Variants in DTX1 observed in about 807,000 individuals in gnomAD.
DTX1 encodes deltex E3 ubiquitin ligase 1.
Under a neutral mutation model 57.8 loss-of-function variants are expected in DTX1, and 26 were observed. The ratio of observed to expected loss-of-function variants is 0.45; its 90% CI spans 0.33 to 0.62. The LOEUF (loss-of-function observed/expected upper bound fraction) is 0.62, where lower values mean the gene tolerates loss of function less well. DTX1 is among the 20% of genes least tolerant of loss of function. The pLI, the probability that DTX1 is intolerant of heterozygous loss-of-function variation, is 0.02. For synonymous variants in DTX1, 398 were observed against 394.1 expected (o/e 1.01, Z -0.12); for missense variants, 704 against 895.3 (o/e 0.79, Z 2.73).
intron 2 of DTX1, among the ~76,000 whole-genome samples, chr12:113,062,204 C>T (rs2044670074): frequency 6.6e-6 from 1 of 152,146 alleles, no homozygotes; most frequent in South Asian, 2.1e-4. Context: ...GGGGAGACTG[C>T]CCTAGCTTTG....
chr12:113,096,339 C>T (rs1162578305), intron 9 of DTX1, among the ~76,000 whole-genome samples: 1 of 147,622 alleles, frequency 6.8e-6, no homozygotes, highest in Admixed American at 6.9e-5. Flanking sequence ...CTTGGAGAGG[C>T]TGATGTGGGA....
At chr12:113,082,779 G>T (rs1473175621) in intron 3 of DTX1, among the ~76,000 whole-genome samples, 1 of 152,028 alleles carries the variant, frequency 6.6e-6, no homozygotes, top group Non-Finnish European at 1.5e-5. Flanking sequence ...AAAATTTTTT[G>T]TAGGGACAGG....
intron 2 of DTX1, among the ~76,000 whole-genome samples, chr12:113,074,386 T>C (rs752889840): frequency 6.6e-6 from 1 of 152,046 alleles, no homozygotes; most frequent in African/African-American, 2.4e-5. Context: ...AATGGTGAGG[T>C]CATATTCCAG....
chr12:113,077,956 C>CGCA lies in DTX1; in HGVS notation c.793_794insCAG (p.Ala264dup), dbSNP rs1466220603. 8.9e-6 allele frequency: 9 copies of CGCA among 1,015,712 alleles called. No homozygotes were observed. Among genetic ancestry groups the CGCA allele is most frequent in the Non-Finnish European group, 1.1e-5 (9 of 851,726 alleles). The allele number at this position is 1,015,712 out of a possible 1,614,324, so 62.9% of individuals were successfully genotyped here. A position where few individuals can be genotyped will look rare whatever the true frequency, so the allele number is the denominator to read the frequency against. ...CCGCGCTCTGGGCAGCGCCCGCCGC[C>CGCA]GGCCCCGCCGAGCCCGCGCCGCCTC... On this transcript the variant is annotated inframe_insertion, in exon 3 of 10. Coordinates refer to ENST00000548759, the MANE Select transcript of DTX1 (RefSeq NM_004416.3). The surrounding 1 kb of genome is among the most constrained non-coding windows in gnomAD (Gnocchi z 7.8).
Position 113,058,321 on chromosome 12 carries a change from C to A in DTX1, c.129C>A (p.Thr43=), listed in dbSNP as rs769437286. Residue 43 remains threonine (T), a synonymous_variant, in exon 2 of 10, where the codon ACC becomes ACA. Transcript: ENST00000548759. The stretch of plus-strand genomic sequence containing the variant: ...GCCGCTGGCGGCCCTACACGGCCAC[C>A]GTGTGCCACCACATTGAGAACGTGC... ...EHSRWRPYTA[T]VCHHIENVLK... is the part of the protein sequence containing the mutation. The A allele has an allele frequency of 6.2e-7, 1 of 1,613,626 alleles. No homozygotes were observed. Among genetic ancestry groups the A allele is most frequent in the Non-Finnish European group, 8.5e-7 (1 of 1,180,026 alleles).
chr12:113,079,105 G>T (rs569048026), intron 3 of DTX1, among the ~76,000 whole-genome samples: 1 of 152,270 alleles, frequency 6.6e-6, no homozygotes, highest in South Asian at 2.1e-4. Context: ...GTGAGCTGCT[G>T]TTGGGTGCCT....
intron 2 of DTX1, among the ~76,000 whole-genome samples, chr12:113,072,900 T>G (rs1293540602): frequency 6.6e-6 from 1 of 151,310 alleles, no homozygotes; most frequent in East Asian, 1.9e-4. Context: ...AGATCGGGGG[T>G]TTCACCATGT....
intron 9 of DTX1, 68 bp downstream of exon 9, chr12:113,095,482 G>A (rs994149292): frequency 2.5e-6 from 4 of 1,595,210 alleles, no homozygotes; most frequent in Non-Finnish European, 3.4e-6. Flanking sequence ...ACTGGCCTGG[G>A]CCTGTGGTCC....
intron 2 of DTX1, among the ~76,000 whole-genome samples, chr12:113,066,478 A>C (rs2136425478): frequency 6.6e-6 from 1 of 151,644 alleles, no homozygotes; most frequent in African/African-American, 2.4e-5. Context: ...CAGTGAGCTG[A>C]GATTGAGCCA....
At chr12:113,076,471 A>G (rs1281080523) in intron 2 of DTX1, among the ~76,000 whole-genome samples, 3 of 151,676 alleles carry the variant, frequency 2.0e-5, no homozygotes, top group Non-Finnish European at 4.4e-5. Flanking sequence ...AAAAAAAAAA[A>G]AAAAAAGTGG....
chr12:113,082,937 A>G (rs1406036944), intron 3 of DTX1, among the ~76,000 whole-genome samples: 2 of 152,194 alleles, frequency 1.3e-5, no homozygotes, highest in Admixed American at 6.5e-5. Flanking sequence ...TTGCTGGGGC[A>G]GTGGTAACAA....
chr12:113,063,231 G>C (rs551911844), intron 2 of DTX1, among the ~76,000 whole-genome samples: 1 of 152,368 alleles, frequency 6.6e-6, no homozygotes, highest in South Asian at 2.1e-4. Flanking sequence ...AGCCATCAGG[G>C]TCTTGGGGTG....
In DTX1 at chr12:113,071,709, T is replaced by A. The variant is rs1395258512; in HGVS notation, c.260-5715T>A. Among the ~76,000 whole-genome samples, 23 of 152,204 alleles carry A rather than the reference T, an allele frequency of 1.5e-4. 1 individual carries two copies. Among genetic ancestry groups the A allele is most frequent in the Admixed American group, 1.5e-3 (23 of 15,290 alleles). ...ATCTTGAGATCGAAGTCCAGGCAGG[T>A]CACCAAGGAACCAGCTGCCCACCCC... On this transcript the variant is annotated intron_variant, in intron 2 of 9. Transcript: ENST00000548759.
At chr12:113,083,734 G>C (rs2044834796) in intron 3 of DTX1, among the ~76,000 whole-genome samples, 1 of 152,054 alleles carries the variant, frequency 6.6e-6, no homozygotes, top group African/African-American at 2.4e-5. Flanking sequence ...GTAGCTCTGT[G>C]TCTCTCTCTC....
rs914661868 is a variant in DTX1 at position 113,072,265 on chromosome 12, T to C, written c.260-5159T>C. On this transcript the variant is annotated intron_variant, in intron 2 of 9. Coordinates refer to ENST00000548759, the MANE Select transcript of DTX1 (RefSeq NM_004416.3). ...AAACATAGTTGCATATCTGACCTAG[T>C]AGTCTTTGTCCTCCCAAAAGTGATC... is the stretch of plus-strand genomic sequence containing the variant. Among the ~76,000 whole-genome samples, 8 of 152,244 alleles carry C rather than the reference T, an allele frequency of 5.3e-5. No homozygotes were observed. The East Asian group carries it at 1.5e-3, about 29-fold the overall frequency.
Position 113,093,437 on chromosome 12 carries a change from A to ACC in DTX1, c.1004-100_1004-99dup. The ACC allele has an allele frequency of 6.0e-5, 33 of 552,146 alleles. No individual in the cohort carries two copies. The highest frequency in any genetic ancestry group is 9.7e-5 in the Non-Finnish European group (31 of 319,672). The allele number at this position is 552,146 out of a possible 1,614,324, so 34.2% of individuals were successfully genotyped here. ...TGAGTGGGTGGGGCCCAAGAGCGCA[A>ACC]CCCTCCCACCCACCCGAGGGCCCCG... is the stretch of plus-strand genomic sequence containing the variant. On this transcript the variant is annotated intron_variant, in intron 4 of 9. Transcript: ENST00000548759. This position sits in a 1 kb window ranked among gnomAD's most constrained non-coding sequence, Gnocchi z 4.2.
In DTX1 at chr12:113,077,871, C is replaced by A; in HGVS notation, c.707C>A (p.Pro236Gln). The part of the protein sequence containing the change: ...APPAPPLPPP[P>Q]PPGGPPGALA... ...CCCGCGCCCCCGCTGCCGCCGCCGC[C>A]GCCACCTGGAGGGCCTCCAGGCGCG... Residue 236 changes from proline (P) to glutamine (Q), a missense_variant, in exon 3 of 10, where the codon CCG (proline) becomes CAG (glutamine). Physicochemically the swap from Pro to Gln is moderately conservative, Grantham distance 76 (BLOSUM62 -1). This residue lies in a region of DTX1 where 299 missense variants were observed against 311.2 expected (regional missense o/e 0.96). Coordinates refer to ENST00000548759, the MANE Select transcript of DTX1 (RefSeq NM_004416.3). This position sits in a 1 kb window ranked among gnomAD's most constrained non-coding sequence, Gnocchi z 7.8. 1 of 1,306,572 alleles carries A rather than the reference C, an allele frequency of 7.7e-7. No individual in the cohort carries two copies. The highest frequency in any genetic ancestry group is 2.3e-5 in the South Asian group (1 of 43,242). 80.9% of individuals were successfully genotyped at this position (1,306,572 alleles called of 1,614,324 possible).
intron 2 of DTX1, among the ~76,000 whole-genome samples, chr12:113,060,158 G>A (rs1319409045): frequency 1.3e-5 from 2 of 152,152 alleles, no homozygotes; most frequent in Non-Finnish European, 2.9e-5. Flanking sequence ...CTATGTTTCC[G>A]TAACTCCAGG....
intron 3 of DTX1, among the ~76,000 whole-genome samples, chr12:113,087,049 G>T (rs2044864819): frequency 6.6e-6 from 1 of 151,862 alleles, no homozygotes; most frequent in Non-Finnish European, 1.5e-5. Context: ...TACCTGACCG[G>T]TCCTCCCTGC....
Sources: allele counts gnomAD v4.1 joint callset (sites outside exome capture counted in the v4.1 genomes callset), GRCh38; gene constraint gnomAD v4.1.1; regional missense constraint gnomAD v4.1.1; non-coding constraint Gnocchi (gnomAD v3.1); transcripts MANE v1.5; gene names NCBI Gene and HGNC (gene_info 2026-07-23, HGNC 2026-07-21).